ATP10A: variants seen among roughly 807,000 people sequenced by gnomAD.
The protein encoded by ATP10A is ATPase phospholipid transporting 10A (putative).
A neutral mutation model predicts 147.8 loss-of-function variants in ATP10A; 111 were observed. That is an observed-to-expected ratio of 0.75 (90% CI 0.64 to 0.88). The LOEUF (loss-of-function observed/expected upper bound fraction) is 0.88. ATP10A is among the 40% of genes least tolerant of loss of function. ATP10A has a pLI of 0.00. For missense variants in ATP10A, 1,927 were observed against 1,959.0 expected, an observed-to-expected ratio of 0.98 and a Z score of 0.31; for synonymous variants, 875 against 841.6, an observed-to-expected ratio of 1.04 and a Z score of -0.69.
rs560061625 is a variant in ATP10A, at chr15:25,748,775, C to T, written c.655-12634G>A. Among the ~76,000 whole-genome samples the T allele has an allele frequency of 2.8e-4, 43 of 151,984 alleles. No homozygotes were observed. In the South Asian group the frequency reaches 8.7e-3, roughly 31 times the overall value. On this transcript the variant is annotated intron_variant, in intron 2 of 20. Coordinates refer to ENST00000555815, the MANE Select transcript of ATP10A (RefSeq NM_024490.4). ...CTTATTAGAATTAATACATGAGTGA[C>T]CAGGCACAGTGGCTCATGCCTGTAA...
rs115051970 is a variant in ATP10A at position 25,705,237 on chromosome 15, T to C, written c.2575+2739A>G. On this transcript the variant is annotated intron_variant, in intron 12 of 20. Coordinates refer to ENST00000555815, the MANE Select transcript of ATP10A (RefSeq NM_024490.4). ...AGGAGGATCACGTTAAACCAGGAGT[T>C]TGAGACAAGCCTGAGTGAGACCCTG... Among the ~76,000 whole-genome samples the C allele has an allele frequency of 7.5e-3, 1,137 of 152,084 alleles. 13 individuals are homozygous for C. Among genetic ancestry groups the C allele is most frequent in the African/African-American group, 0.026 (1,086 of 41,486 alleles).
chr15:25,843,720 C>A (rs186367290), intron 1 of ATP10A, among the ~76,000 whole-genome samples: 3 of 152,154 alleles, frequency 2.0e-5, no homozygotes, highest in Non-Finnish European at 2.9e-5. Flanking sequence ...TGTAGAAAGA[C>A]AGACGCACGG....
At chr15:25,688,508 A>T (rs1899826835) in intron 15 of ATP10A, among the ~76,000 whole-genome samples, 1 of 152,234 alleles carries the variant, frequency 6.6e-6, no homozygotes, top group African/African-American at 2.4e-5. Context: ...GAAGCCAACT[A>T]GGCTGGAAAA....
intron 1 of ATP10A, among the ~76,000 whole-genome samples, chr15:25,826,761 C>T (rs1372905042): frequency 6.6e-6 from 1 of 152,130 alleles, no homozygotes; most frequent in Non-Finnish European, 1.5e-5. Flanking sequence ...TGCCACTGTA[C>T]TCCAGCCTGG....
chr15:25,788,111 C>T (rs1020496669), intron 1 of ATP10A, among the ~76,000 whole-genome samples: 2 of 152,212 alleles, frequency 1.3e-5, no homozygotes, highest in African/African-American at 4.8e-5. Flanking sequence ...CCAGCCTGGC[C>T]ACCTGACAAG....
At chr15:25,839,647 T>A (rs780960413) in intron 1 of ATP10A, among the ~76,000 whole-genome samples, 20 of 152,186 alleles carry the variant, frequency 1.3e-4, no homozygotes, top group Non-Finnish European at 1.5e-4. Context: ...CTGGGCAACA[T>A]GTGTACTGGG....
Position 25,679,786 on chromosome 15 carries a change from T to C in ATP10A, c.4055A>G (p.Gln1352Arg), listed in dbSNP as rs116163236. 92 of 1,612,934 alleles carry C rather than the reference T, an allele frequency of 5.7e-5. No homozygotes were observed. In the African/African-American group the frequency reaches 1.2e-3, roughly 21 times the overall value. ...CGGCTGCTGTGTGTGCCAAGAAGGC[T>C]GGGACAGGGGCACAGAGGTCTTGAC... is the stretch of plus-strand genomic sequence containing the variant. ...RTVKTSVPLS[Q>R]PSWHTQQPVC... Residue 1352 changes from glutamine to arginine, a missense_variant, in exon 21 of 21, where the codon CAG becomes CGG. By Grantham distance (43) the Gln-to-Arg change is conservative. Coordinates refer to ENST00000555815, the MANE Select transcript of ATP10A (RefSeq NM_024490.4).
At chr15:25,741,950 C>G (rs1887600405) in intron 2 of ATP10A, among the ~76,000 whole-genome samples, 1 of 152,226 alleles carries the variant, frequency 6.6e-6, no homozygotes, top group South Asian at 2.1e-4. Context: ...TCTCCAAGTT[C>G]CACAGATTCA....
intron 7 of ATP10A, among the ~76,000 whole-genome samples, chr15:25,718,878 G>A (rs1902024875): frequency 6.6e-6 from 1 of 152,070 alleles, no homozygotes; most frequent in Non-Finnish European, 1.5e-5. Context: ...CTATGGCACA[G>A]GGGGGCTCAC....
intron 1 of ATP10A, among the ~76,000 whole-genome samples, chr15:25,811,959 C>T (rs1009729011): frequency 1.2e-4 from 19 of 152,224 alleles, no homozygotes; most frequent in African/African-American, 3.6e-4. Flanking sequence ...GTGGGCAAAG[C>T]GCTCCAGCCC....
chr15:25,836,417 C>G (rs922277263), intron 1 of ATP10A, among the ~76,000 whole-genome samples: 10 of 152,162 alleles, frequency 6.6e-5, no homozygotes, highest in African/African-American at 2.4e-4. Flanking sequence ...TCCAGCTTGG[C>G]AAGAGAAACA....
chr15:25,688,091 G>T, intron 15 of ATP10A: 1 of 494,062 alleles, frequency 2.0e-6, no homozygotes, highest in Non-Finnish European at 3.7e-6. Context: ...TGTCACTAAT[G>T]GGGTTTAAAA....
At chr15:25,852,029 A>C (rs12916978) in intron 1 of ATP10A, among the ~76,000 whole-genome samples, 24,840 of 152,192 alleles carry the variant, frequency 0.16, 2,124 homozygotes, top group South Asian at 0.21. Context: ...TCAAATTCTT[A>C]CCTGCCTGCC....
At chr15:25,826,571 AATCACCT>A (rs1892123205) in intron 1 of ATP10A, among the ~76,000 whole-genome samples, 1 of 152,096 alleles carries the variant, frequency 6.6e-6, no homozygotes, top group Non-Finnish European at 1.5e-5. Context: ...CAAAAAGTGG[AATCACCT>A]GAGGTCAGGA....
intron 12 of ATP10A, among the ~76,000 whole-genome samples, chr15:25,703,038 C>G (rs561986591): frequency 1.3e-5 from 2 of 152,182 alleles, no homozygotes; most frequent in South Asian, 4.1e-4. Context: ...ATGGGGCTCC[C>G]TCGATGGGAT....
intron 1 of ATP10A, among the ~76,000 whole-genome samples, chr15:25,788,500 AC>A (rs1890272120): frequency 6.6e-6 from 1 of 152,224 alleles, no homozygotes; most frequent in African/African-American, 2.4e-5. Flanking sequence ...GTCAACAGTG[AC>A]TGTTCAATTA....
intron 1 of ATP10A, among the ~76,000 whole-genome samples, chr15:25,830,981 T>A (rs1892329732): frequency 6.6e-6 from 1 of 152,210 alleles, no homozygotes; most frequent in African/African-American, 2.4e-5. Context: ...CGGGCCTCCC[T>A]TCATCTGGCT....
intron 2 of ATP10A, among the ~76,000 whole-genome samples, chr15:25,770,060 A>G (rs1889254001): frequency 5.3e-5 from 8 of 152,208 alleles, no homozygotes; most frequent in Admixed American, 5.2e-4. Context: ...ACTGTGAGAA[A>G]ATAAATTTCT....
intron 3 of ATP10A, 26 bp downstream of exon 3, chr15:25,736,030 C>T (rs72625120): frequency 1.6e-5 from 25 of 1,571,842 alleles, no homozygotes; most frequent in South Asian, 3.3e-5. Flanking sequence ...CAGAAGGATG[C>T]GCGCAGGCAG....
Sources: allele counts gnomAD v4.1 joint callset (sites outside exome capture counted in the v4.1 genomes callset), GRCh38; gene constraint gnomAD v4.1.1; transcripts MANE v1.5; gene names NCBI Gene and HGNC (gene_info 2026-07-23, HGNC 2026-07-21).